The following PKHD1L1 variants were observed in gnomAD, a reference collection of about 807,000 sequenced individuals.
The protein encoded by PKHD1L1 is fibrocystin-L.
A neutral mutation model predicts 462.9 loss-of-function variants in PKHD1L1; 434 were observed. That is an observed-to-expected ratio of 0.94 (90% confidence interval 0.87 to 1.02). The LOEUF (loss-of-function observed/expected upper bound fraction) is 1.02. PKHD1L1 is among the 50% of genes least tolerant of loss of function. The pLI, the probability that PKHD1L1 is intolerant of heterozygous loss-of-function variation, is 0.00. For missense variants in PKHD1L1, 5,202 were observed against 5,096.1 expected (o/e 1.02, Z -0.63); for synonymous variants, 1,781 against 1,750.0 (o/e 1.02, Z -0.44).
chr8:109,446,733 C>A (rs976065779), intron 38 of PKHD1L1, among the ~76,000 whole-genome samples: 2 of 152,066 alleles, frequency 1.3e-5, no homozygotes, highest in African/African-American at 4.8e-5. Flanking sequence ...CTTCCCATCT[C>A]TGCCTTTGAA....
chr8:109,475,715 TG>T (rs1817949644), intron 51 of PKHD1L1, among the ~76,000 whole-genome samples: 1 of 150,702 alleles, frequency 6.6e-6, no homozygotes, highest in South Asian at 2.1e-4. Context: ...GGTGTGGTGG[TG>T]GGCATCTGTA....
intron 17 of PKHD1L1, among the ~76,000 whole-genome samples, chr8:109,407,124 C>T (rs1454431582): frequency 6.6e-6 from 1 of 152,064 alleles, no homozygotes; most frequent in Non-Finnish European, 1.5e-5. Context: ...GTATATTTAG[C>T]TCAGAAAGTA....
chr8:109,496,996 G>A lies in PKHD1L1; in HGVS notation c.10405G>A (p.Gly3469Ser). The A allele has an allele frequency of 6.2e-7, 1 of 1,613,436 alleles. No individual in the cohort carries two copies. Among genetic ancestry groups the A allele is most frequent in the South Asian group, 1.1e-5 (1 of 91,066 alleles). Residue 3469 changes from glycine to serine, a missense_variant, in exon 64 of 78, where the codon GGC becomes AGC. Physicochemically the swap from Gly to Ser is moderately conservative, Grantham distance 56 (BLOSUM62 0). Coordinates refer to ENST00000378402, the MANE Select transcript of PKHD1L1 (RefSeq NM_177531.6). ...ATATGGGATCTATATGAACCAAGATGGCCTTCCTGGATGTTCTCTTATACA... is the reference window on the plus strand; with the variant it reads ...ATATGGGATCTATATGAACCAAGATAGCCTTCCTGGATGTTCTCTTATACA... ...GLYGIYMNQDGLPGCSLIQGF... is the reference protein window; with the variant it reads ...GLYGIYMNQDSLPGCSLIQGF...
intron 48 of PKHD1L1, 30 bp from the exon 49 acceptor site, chr8:109,464,186 C>T: frequency 6.7e-7 from 1 of 1,487,866 alleles, no homozygotes; most frequent in Non-Finnish European, 9.0e-7. Context: ...TGAGCTATTA[C>T]TAAATAACTG....
chr8:109,460,023 A>G (rs907079281), intron 47 of PKHD1L1, among the ~76,000 whole-genome samples, 187 bp downstream of exon 47: 5 of 151,980 alleles, frequency 3.3e-5, no homozygotes, highest in Non-Finnish European at 7.4e-5. Flanking sequence ...GAAATTTGGA[A>G]ATGCTGATAG....
At chr8:109,412,617 T>C (rs1563749612) in intron 20 of PKHD1L1, among the ~76,000 whole-genome samples, 1 of 152,066 alleles carries the variant, frequency 6.6e-6, no homozygotes, top group Non-Finnish European at 1.5e-5. Flanking sequence ...TATATATATG[T>C]ATATAGCACC....
intron 15 of PKHD1L1, 110 bp downstream of exon 15, chr8:109,404,823 T>A: frequency 2.5e-6 from 3 of 1,211,062 alleles, no homozygotes; most frequent in Non-Finnish European, 3.4e-6. Context: ...AAAGCAGTCA[T>A]GGACAATTAT....
In PKHD1L1 at chr8:109,459,690, T is replaced by C. The variant is rs756447940; in HGVS notation, c.7100T>C (p.Leu2367Ser). The C allele has an allele frequency of 1.6e-5, 26 of 1,611,548 alleles. No homozygotes were observed. The highest frequency in any genetic ancestry group is 2.2e-5 in the Non-Finnish European group (26 of 1,178,652). Reference protein sequence around the residue: ...TLSNPLNYTHLGITVTLPDGT... With the variant: ...TLSNPLNYTHSGITVTLPDGT... The stretch of plus-strand genomic sequence containing the variant: ...AGTAACCCACTAAATTACACACACT[T>C]AGGAATTACGGTCACACTCCCTGAT... The change falls in exon 47 of 78, where the codon TTA becomes TCA. Residue 2367 changes from leucine (L) to serine (S), a missense_variant. Around this residue, in one of 3 missense-constraint regions of PKHD1L1, gnomAD observed 4,497 missense variants for 4,336.8 expected, o/e 1.04. Transcript: ENST00000378402.
chr8:109,497,326 G>A (rs1025441479), intron 65 of PKHD1L1, 54 bp downstream of exon 65: 80 of 1,563,860 alleles, frequency 5.1e-5, no homozygotes, highest in Non-Finnish European at 6.5e-5. Flanking sequence ...GGAGAAGGGT[G>A]GAATTTCTGA....
rs190745991 is a variant in PKHD1L1, at chr8:109,443,034, A to G, written c.4482A>G (p.Gly1494=). ...VDEAHSIFLQ[G]VINVLPAETR... ...AGGCTCACTCCATTTTTCTCCAAGG[A>G]GTCATTAATGTTTTACCAGCTGAAA... The change falls in exon 36 of 78, where the codon GGA becomes GGG. Residue 1494 remains glycine (G), a synonymous_variant. Coordinates refer to ENST00000378402, the MANE Select transcript of PKHD1L1 (RefSeq NM_177531.6). The G allele has an allele frequency of 5.0e-6, 8 of 1,613,670 alleles. No individual in the cohort carries two copies. The highest frequency in any genetic ancestry group is 8.5e-7 in the Non-Finnish European group (1 of 1,179,666).
intron 68 of PKHD1L1, among the ~76,000 whole-genome samples, chr8:109,505,298 T>C (rs1258946138): frequency 6.6e-6 from 1 of 152,104 alleles, no homozygotes; most frequent in East Asian, 1.9e-4. Flanking sequence ...AAATATCCTA[T>C]CACAGGTACC....
At position 109,526,766 on chromosome 8, in the gene PKHD1L1, G is replaced by C; in HGVS notation, c.12485-18G>C. 1 of 1,534,086 alleles carries C rather than the reference G, an allele frequency of 6.5e-7. No individual in the cohort carries two copies. Among genetic ancestry groups the C allele is most frequent in the Non-Finnish European group, 8.8e-7 (1 of 1,133,194 alleles). On this transcript the variant is annotated intron_variant, in intron 76 of 77. Coordinates refer to ENST00000378402, the MANE Select transcript of PKHD1L1 (RefSeq NM_177531.6). The stretch of plus-strand genomic sequence containing the variant: ...AAACATAAAGGAAATCAAACACTAT[G>C]ATGCTTTTTTTTTCCAGGAAAAAAT...
intron 2 of PKHD1L1, among the ~76,000 whole-genome samples, chr8:109,380,888 T>C (rs59982879): frequency 0.012 from 1,844 of 152,308 alleles, 37 homozygotes; most frequent in African/African-American, 0.042. Flanking sequence ...CTATTCTTTT[T>C]AGTCCTCTTA....
Position 109,454,770 on chromosome 8 carries a change from G to A in PKHD1L1, c.6792G>A (p.Leu2264=). Reference sequence around the variant, plus strand: ...TCCAACACAAGGCTGTCATTACCTTGCATGGTCACCTGCGATCTCCTGAGC... The same window carrying A: ...TCCAACACAAGGCTGTCATTACCTTACATGGTCACCTGCGATCTCCTGAGC... ...SPFQHKAVIT[L]HGHLRSPELP... The change falls in exon 45 of 78, where the codon TTG becomes TTA. Residue 2264 remains leucine, a synonymous_variant. Coordinates refer to ENST00000378402, the MANE Select transcript of PKHD1L1 (RefSeq NM_177531.6). 2 of 1,613,824 alleles carry A rather than the reference G, an allele frequency of 1.2e-6. No homozygotes were observed. The highest frequency in any genetic ancestry group is 8.5e-7 in the Non-Finnish European group (1 of 1,179,808).
At chr8:109,500,116 G>A (rs1255021873) in intron 67 of PKHD1L1, among the ~76,000 whole-genome samples, 1 of 152,070 alleles carries the variant, frequency 6.6e-6, no homozygotes, top group Non-Finnish European at 1.5e-5. Flanking sequence ...GTCCTCTCTT[G>A]GGACTACTGG....
chr8:109,453,770 T>A (rs1816668248), intron 43 of PKHD1L1, among the ~76,000 whole-genome samples: 1 of 152,198 alleles, frequency 6.6e-6, no homozygotes, highest in Non-Finnish European at 1.5e-5. Context: ...AAGCTAATGT[T>A]GACATTATAA....
At chr8:109,467,458 G>C in intron 50 of PKHD1L1, among the ~76,000 whole-genome samples, 1 of 144,130 alleles carries the variant, frequency 6.9e-6, no homozygotes, top group South Asian at 2.4e-4. Context: ...TGATTAAGGA[G>C]GTGGCAAAAT....
intron 40 of PKHD1L1, 65 bp downstream of exon 40, chr8:109,449,552 T>C (rs1268917636): frequency 7.2e-6 from 10 of 1,393,534 alleles, no homozygotes; most frequent in Admixed American, 2.6e-5. Flanking sequence ...GATCAGTTAA[T>C]TTCTTTTTTC....
intron 39 of PKHD1L1, 27 bp from the exon 40 acceptor site, chr8:109,449,311 T>G (rs1354983705): frequency 7.8e-6 from 12 of 1,540,392 alleles, no homozygotes; most frequent in Admixed American, 2.1e-5. Flanking sequence ...ATTAGCTTTG[T>G]TTTTCCTTTT....
Sources: gnomAD v4.1 joint callset for allele counts (sites outside exome capture counted in the v4.1 genomes callset) on GRCh38, gnomAD v4.1.1 for gene constraint, gnomAD v4.1.1 regional missense constraint, MANE v1.5 for transcripts, NCBI Gene and HGNC (gene_info 2026-07-23, HGNC 2026-07-21) for gene names.